The following THEMIS variants were observed in gnomAD, a reference collection of about 807,000 sequenced individuals.
THEMIS encodes the protein protein THEMIS.
A neutral mutation model predicts 52.6 loss-of-function variants in THEMIS; 37 were observed. That is an observed-to-expected ratio of 0.70 (90% CI 0.54 to 0.93). The LOEUF is 0.93. Ranked by LOEUF, THEMIS falls within the 40% of genes least tolerant of loss-of-function variation. The probability of loss-of-function intolerance (pLI) is 0.00; values close to 1 mark genes in which losing one functional copy is unlikely to be tolerated. For synonymous variants in THEMIS, 292 were observed against 272.7 expected, an observed-to-expected ratio of 1.07 and a Z score of -0.70; for missense variants, 808 against 763.1, an observed-to-expected ratio of 1.06 and a Z score of -0.69.
chr6:127,791,498 G>A (rs180801754), intron 4 of THEMIS, among the ~76,000 whole-genome samples: 3 of 152,272 alleles, frequency 2.0e-5, no homozygotes, highest in East Asian at 3.9e-4. Flanking sequence ...TGATCGGCCC[G>A]TGAGCAGTCA....
At chr6:127,844,587 GA>G (rs34392593) in intron 2 of THEMIS, among the ~76,000 whole-genome samples, 6,392 of 146,064 alleles carry the variant, frequency 0.044, 148 homozygotes, top group Middle Eastern at 0.06. Context: ...TGCTGTTTGG[GA>G]AAAAAAAAAA....
At chr6:127,845,795 TAAAAA>T (rs1779193112) in intron 2 of THEMIS, among the ~76,000 whole-genome samples, 1 of 151,690 alleles carries the variant, frequency 6.6e-6, no homozygotes, top group South Asian at 2.1e-4. Context: ...CCCAAAAACT[TAAAAA>T]GAATAGCTGG....
intron 3 of THEMIS, among the ~76,000 whole-genome samples, chr6:127,819,993 G>C (rs1778279345): frequency 6.6e-6 from 1 of 152,230 alleles, no homozygotes; most frequent in East Asian, 1.9e-4. Context: ...TGAAATGAAT[G>C]ACAGTACTGT....
intron 2 of THEMIS, among the ~76,000 whole-genome samples, chr6:127,845,411 C>T (rs778378581): frequency 3.3e-5 from 5 of 151,828 alleles, no homozygotes; most frequent in Non-Finnish European, 7.4e-5. Context: ...AGAAAAATGG[C>T]TGAATCTTGG....
Position 127,775,492 on chromosome 6 carries a change from T to A in THEMIS, c.1758+37391A>T, listed in dbSNP as rs149088658. Among the ~76,000 whole-genome samples the A allele has an allele frequency of 5.6e-4, 86 of 152,264 alleles. 1 individual carries two copies. The highest frequency in any genetic ancestry group is 2.0e-3 in the African/African-American group (83 of 41,550). On this transcript the variant is annotated intron_variant, in intron 4 of 5. Transcript: ENST00000368248. Reference sequence around the variant, plus strand: ...TGCTGAGAGGAAAATGAGACACTCTTCCACAATTTCCTGAAATCTCAACCA... The same window carrying A: ...TGCTGAGAGGAAAATGAGACACTCTACCACAATTTCCTGAAATCTCAACCA...
intron 4 of THEMIS, among the ~76,000 whole-genome samples, chr6:127,789,870 C>T (rs1054874942): frequency 3.3e-5 from 5 of 152,184 alleles, no homozygotes; most frequent in Non-Finnish European, 7.3e-5. Context: ...ATTGATGGAA[C>T]ATATCTCAAA....
rs148418782 is a variant in THEMIS at position 127,812,904 on chromosome 6, T to C, written c.1737A>G (p.Val579=). 1.0e-4 allele frequency: 166 copies of C among 1,608,378 alleles called. 1 individual carries two copies. The African/African-American group carries it at 1.6e-3, about 15-fold the overall frequency. The change falls in exon 4 of 6, where the codon GTA becomes GTG. Residue 579 remains valine (V), a synonymous_variant. Transcript: ENST00000368248. ...TTACCTTGGGAGACTTGGGCAGGTC[T>C]ACCGTCCTTTCTTCTGCTAAGGTTA... is the stretch of plus-strand genomic sequence containing the variant. ...TLLTLAEERT[V]DLPKSPKRHH... is the part of the protein sequence containing the mutation.
chr6:127,835,849 T>G (rs1218497960), intron 2 of THEMIS, among the ~76,000 whole-genome samples: 1 of 152,154 alleles, frequency 6.6e-6, no homozygotes, highest in Non-Finnish European at 1.5e-5. Flanking sequence ...TGGAGAAATA[T>G]TTCCAGGTTG....
intron 4 of THEMIS, among the ~76,000 whole-genome samples, chr6:127,766,520 T>C (rs1776205082): frequency 6.6e-6 from 1 of 152,192 alleles, no homozygotes; most frequent in African/African-American, 2.4e-5. Context: ...AGGAATACTT[T>C]CTGAGAAATG....
chr6:127,798,348 AT>A lies in THEMIS; in HGVS notation c.1758+14534del, dbSNP rs200320912. Reference sequence around the variant, plus strand: ...AATGACTAAGTAGTTAAGAAACAGAATTTTTTTTTTCTTTTATTATTATACT... The same window carrying A: ...AATGACTAAGTAGTTAAGAAACAGAATTTTTTTTTCTTTTATTATTATACT... On this transcript the variant is annotated intron_variant, in intron 4 of 5. Transcript: ENST00000368248. 5.9e-3 allele frequency among the ~76,000 whole-genome samples: 896 copies of A among 150,934 alleles called. 34 individuals carry two copies. In the East Asian group the frequency reaches 0.1, roughly 17 times the overall value.
intron 3 of THEMIS, among the ~76,000 whole-genome samples, chr6:127,819,197 T>G (rs1353504508): frequency 6.7e-6 from 1 of 149,374 alleles, no homozygotes; most frequent in African/African-American, 2.5e-5. Context: ...TTGGTGGGTT[T>G]CTCATTACAC....
chr6:127,821,636 G>A (rs1778344542), intron 3 of THEMIS, among the ~76,000 whole-genome samples: 1 of 151,992 alleles, frequency 6.6e-6, no homozygotes, highest in Non-Finnish European at 1.5e-5. Context: ...TCCCTTCACA[G>A]GGTGAATGCT....
At chr6:127,768,374 C>T (rs1250500842) in intron 4 of THEMIS, among the ~76,000 whole-genome samples, 2 of 152,152 alleles carry the variant, frequency 1.3e-5, no homozygotes, top group Non-Finnish European at 2.9e-5. Context: ...CCTCTGTCAA[C>T]CCCACAAGCT....
chr6:127,827,999 C>A (rs1778566078), intron 3 of THEMIS, among the ~76,000 whole-genome samples: 1 of 152,170 alleles, frequency 6.6e-6, no homozygotes, highest in Non-Finnish European at 1.5e-5. Context: ...AGCTCCCATC[C>A]CTTCCTCACC....
intron 4 of THEMIS, among the ~76,000 whole-genome samples, chr6:127,725,456 G>A (rs775765360): frequency 6.6e-5 from 10 of 152,114 alleles, no homozygotes; most frequent in Admixed American, 2.6e-4. Context: ...GTGTCTGTGT[G>A]TGTGTGTCTG....
At chr6:127,716,381 G>T (rs1053424718) in intron 5 of THEMIS, among the ~76,000 whole-genome samples, 4 of 151,772 alleles carry the variant, frequency 2.6e-5, no homozygotes, top group Admixed American at 2.6e-4. Flanking sequence ...TCATCCTCTT[G>T]TACCAAATGG....
intron 4 of THEMIS, among the ~76,000 whole-genome samples, chr6:127,722,475 A>G (rs1290790629): frequency 6.6e-6 from 1 of 151,348 alleles, no homozygotes; most frequent in Non-Finnish European, 1.5e-5. Context: ...CCCCTTTCCT[A>G]TTTCTCAAAT....
At chr6:127,789,455 A>G (rs1211939418) in intron 4 of THEMIS, among the ~76,000 whole-genome samples, 1 of 152,214 alleles carries the variant, frequency 6.6e-6, no homozygotes, top group Non-Finnish European at 1.5e-5. Context: ...TACAAAGAAG[A>G]GCTGGTACCA....
intron 5 of THEMIS, among the ~76,000 whole-genome samples, chr6:127,715,420 A>G (rs1774122288): frequency 6.6e-6 from 1 of 151,946 alleles, no homozygotes; most frequent in African/African-American, 2.4e-5. Context: ...GTGTTTCTTC[A>G]TTAAAATTAA....
Sources: allele counts gnomAD v4.1 joint callset (sites outside exome capture counted in the v4.1 genomes callset), GRCh38; gene constraint gnomAD v4.1.1; transcripts MANE v1.5; gene names NCBI Gene and HGNC (gene_info 2026-07-23, HGNC 2026-07-21).